Variants in KATNBL1 observed in about 807,000 individuals in gnomAD.
KATNBL1 encodes the protein katanin regulatory subunit B1 like 1.
KATNBL1 carries 28 observed loss-of-function variants against 44.7 expected under a neutral mutation model. The ratio of observed to expected loss-of-function variants is 0.63; its 90% confidence interval spans 0.46 to 0.86. The LOEUF (loss-of-function observed/expected upper bound fraction) is 0.86. Ranked by LOEUF, KATNBL1 falls within the 40% of genes least tolerant of loss-of-function variation. KATNBL1 has a pLI of 0.00. For missense variants in KATNBL1, 272 were observed against 350.7 expected (o/e 0.78, Z 1.79); for synonymous variants, 78 against 114.9 (o/e 0.68, Z 2.06).
intron 1 of KATNBL1, among the ~76,000 whole-genome samples, chr15:34,199,228 G>C (rs1194851527): frequency 1.3e-5 from 2 of 152,206 alleles, no homozygotes; most frequent in African/African-American, 4.8e-5. Flanking sequence ...CACGAGGTCA[G>C]GGGTTTGAGA....
chr15:34,143,245 T>C (rs1351298113), intron 9 of KATNBL1, among the ~76,000 whole-genome samples: 2 of 107,180 alleles, frequency 1.9e-5, no homozygotes, highest in African/African-American at 3.6e-5. Context: ...GAGGGGGAGG[T>C]GGGTGGGTCA....
chr15:34,179,941 G>C (rs1455233914), intron 1 of KATNBL1, among the ~76,000 whole-genome samples: 1 of 152,134 alleles, frequency 6.6e-6, no homozygotes, highest in African/African-American at 2.4e-5. Context: ...AGCAAAAAAG[G>C]TGGAAATGCC....
chr15:34,172,244 G>A (rs976209084), intron 1 of KATNBL1, among the ~76,000 whole-genome samples: 1 of 135,516 alleles, frequency 7.4e-6, no homozygotes, highest in African/African-American at 2.7e-5. Context: ...GAGTCCTTGG[G>A]AGGAACATAT....
At chr15:34,177,447 T>C (rs73378138) in intron 1 of KATNBL1, among the ~76,000 whole-genome samples, 49,706 of 151,578 alleles carry the variant, frequency 0.33, 8,562 homozygotes, top group African/African-American at 0.45. Flanking sequence ...GAGTTTGAGA[T>C]GAGCCTGACC....
At chr15:34,147,979 C>A (rs1888360589) in intron 5 of KATNBL1, among the ~76,000 whole-genome samples, 1 of 151,976 alleles carries the variant, frequency 6.6e-6, no homozygotes, top group South Asian at 2.1e-4. Context: ...GTGATCTTCC[C>A]AAGTATCTGG....
At chr15:34,148,490 A>G in intron 5 of KATNBL1, 142 bp downstream of exon 5, 1 of 553,332 alleles carries the variant, frequency 1.8e-6, no homozygotes, top group Non-Finnish European at 3.3e-6. Flanking sequence ...CAGGAGGCTG[A>G]GGTGGGAGGG....
At chr15:34,156,865 G>T (rs1888654773) in intron 2 of KATNBL1, among the ~76,000 whole-genome samples, 1 of 152,186 alleles carries the variant, frequency 6.6e-6, no homozygotes, top group South Asian at 2.1e-4. Context: ...TGAATGTATA[G>T]CTTTAGGAAA....
At chr15:34,144,733 G>A (rs1219233376) in intron 9 of KATNBL1, among the ~76,000 whole-genome samples, 2 of 151,936 alleles carry the variant, frequency 1.3e-5, no homozygotes, top group African/African-American at 2.4e-5. Flanking sequence ...ATCACACCCA[G>A]GTAATTTTTT....
Sources: gnomAD v4.1 joint callset for allele counts (sites outside exome capture counted in the v4.1 genomes callset) on GRCh38, gnomAD v4.1.1 for gene constraint, MANE v1.5 for transcripts, NCBI Gene and HGNC (gene_info 2026-07-23, HGNC 2026-07-21) for gene names.